AGO2: variants seen among roughly 807,000 people sequenced by gnomAD.
The protein encoded by AGO2 is protein argonaute-2.
Under a neutral mutation model 102.3 loss-of-function variants are expected in AGO2, and 5 were observed. The observed-to-expected ratio is 0.05, with a 90% CI of 0.03 to 0.10. AGO2 has a LOEUF of 0.10. AGO2 is among the 10% of genes least tolerant of loss of function. AGO2 has a pLI of 1.00. For missense variants in AGO2, 541 were observed against 1,183.7 expected (o/e 0.46, Z 7.97); for synonymous variants, 449 against 473.1 (o/e 0.95, Z 0.66).
chr8:140,632,415 G>A (rs766157248), intron 1 of AGO2, among the ~76,000 whole-genome samples: 1 of 152,236 alleles, frequency 6.6e-6, no homozygotes, highest in African/African-American at 2.4e-5. Context: ...AGGGGGAGAG[G>A]GGGCAGGAGG....
Position 140,522,437 on chromosome 8 carries a change from C to T in AGO2, c.*9607G>A, listed in dbSNP as rs1489003279. The T allele has an allele frequency of 6.6e-6, 1 of 151,132 alleles. No individual in the cohort carries two copies. The highest frequency in any genetic ancestry group is 6.6e-5 in the Admixed American group (1 of 15,106). The allele number at this position is 151,132 out of a possible 1,614,324, so 9.4% of individuals were successfully genotyped here. A position where few individuals can be genotyped will look rare whatever the true frequency, so the allele number is the denominator to read the frequency against. On this transcript the variant is annotated 3_prime_UTR_variant, in exon 19 of 19. Transcript: ENST00000220592. ...CAGAAGCGATGACAGGTGGTACTAC[C>T]TGAAGAAAGCTTAGAACATGAGCAG...
chr8:140,558,793 T>A (rs2073144910), intron 6 of AGO2, among the ~76,000 whole-genome samples: 1 of 152,164 alleles, frequency 6.6e-6, no homozygotes, highest in Non-Finnish European at 1.5e-5. Context: ...AGGCTCAGCT[T>A]AGAGCATGGG....
At position 140,527,036 on chromosome 8, in the gene AGO2, G is replaced by C. The variant is rs776795137; in HGVS notation, c.*5008C>G. The C allele has an allele frequency of 1.3e-5, 2 of 152,172 alleles. No homozygotes were observed. Among genetic ancestry groups the C allele is most frequent in the African/African-American group, 4.8e-5 (2 of 41,494 alleles). 9.4% of individuals were successfully genotyped at this position (152,172 alleles called of 1,614,324 possible). A position where few individuals can be genotyped will look rare whatever the true frequency, so the allele number is the denominator to read the frequency against. ...GTAGCAGGCGGAGCAGATGCCTCCC[G>C]TCTGGACTGTCCCAGGCTGGGTGGA... is the stretch of plus-strand genomic sequence containing the variant. On this transcript the variant is annotated 3_prime_UTR_variant, in exon 19 of 19. Coordinates refer to ENST00000220592, the MANE Select transcript of AGO2 (RefSeq NM_012154.5). This position sits in a 1 kb window ranked among gnomAD's most constrained non-coding sequence, Gnocchi z 6.0.
intron 2 of AGO2, among the ~76,000 whole-genome samples, chr8:140,583,125 C>G (rs2073583075): frequency 6.6e-6 from 1 of 152,230 alleles, no homozygotes; most frequent in Non-Finnish European, 1.5e-5. Context: ...GGCTGGGGCA[C>G]TGTCTTCCTC....
At chr8:140,544,482 A>C (rs1245398494) in intron 13 of AGO2, among the ~76,000 whole-genome samples, 179 bp from the exon 14 acceptor site, 1 of 152,218 alleles carries the variant, frequency 6.6e-6, no homozygotes, top group Non-Finnish European at 1.5e-5. Flanking sequence ...CAAGGTCTGA[A>C]ATCTGCTTCA....
chr8:140,532,300 T>G, intron 18 of AGO2, 116 bp downstream of exon 18: 1 of 1,420,036 alleles, frequency 7.0e-7, no homozygotes, highest in Non-Finnish European at 9.6e-7. Flanking sequence ...ACAGGCCTTC[T>G]GGGGTGCCGG....
chr8:140,617,124 A>G (rs2152104811), intron 1 of AGO2, among the ~76,000 whole-genome samples: 1 of 152,294 alleles, frequency 6.6e-6, no homozygotes, highest in South Asian at 2.1e-4. Flanking sequence ...AAGCACTCTG[A>G]AAAAGAGGGT....
At chr8:140,583,110 C>G (rs1432210167) in intron 2 of AGO2, among the ~76,000 whole-genome samples, 2 of 152,198 alleles carry the variant, frequency 1.3e-5, no homozygotes. Flanking sequence ...TTCTCTCCCT[C>G]CTGGGGCTGG....
In AGO2 at chr8:140,525,541, C is replaced by T. The variant is rs2072490286; in HGVS notation, c.*6503G>A. 1 of 152,298 alleles carries T rather than the reference C, an allele frequency of 6.6e-6. No homozygotes were observed. Among genetic ancestry groups the T allele is most frequent in the Non-Finnish European group, 1.5e-5 (1 of 68,118 alleles). The allele number at this position is 152,298 out of a possible 1,614,324, so 9.4% of individuals were successfully genotyped here. Reference sequence around the variant, plus strand: ...ACACTTAGCTCTTCCGGAATGAAAGCACGCAACGCAGCATAAAAAGCATCG... The same window carrying T: ...ACACTTAGCTCTTCCGGAATGAAAGTACGCAACGCAGCATAAAAAGCATCG... On this transcript the variant is annotated 3_prime_UTR_variant, in exon 19 of 19. Transcript: ENST00000220592.
At chr8:140,593,979 C>T (rs1041532444) in intron 1 of AGO2, among the ~76,000 whole-genome samples, 1 of 152,226 alleles carries the variant, frequency 6.6e-6, no homozygotes, top group African/African-American at 2.4e-5. Context: ...GTTCCATCTG[C>T]GAGCACAGGA....
At chr8:140,541,442 G>T in intron 14 of AGO2, 84 bp from the exon 15 acceptor site, 9 of 1,318,028 alleles carry the variant, frequency 6.8e-6, no homozygotes, top group Non-Finnish European at 9.1e-6. Context: ...GGGAAGATGG[G>T]GACGAGAAGT....
rs767174354 is a variant in AGO2 at position 140,583,329 on chromosome 8, A to C, written c.215+1790T>G. Among the ~76,000 whole-genome samples, 148 of 152,206 alleles carry C rather than the reference A, an allele frequency of 9.7e-4. 3 individuals are homozygous for C. Among genetic ancestry groups the C allele is most frequent in the Non-Finnish European group, 1.9e-4 (13 of 68,042 alleles). Reference sequence around the variant, plus strand: ...GTGGGACATCTTAGCCTCTACAATCATGTGAGCCAATTCCCCTAATAAATC... The same window carrying C: ...GTGGGACATCTTAGCCTCTACAATCCTGTGAGCCAATTCCCCTAATAAATC... On this transcript the variant is annotated intron_variant, in intron 2 of 18. Coordinates refer to ENST00000220592, the MANE Select transcript of AGO2 (RefSeq NM_012154.5).
At chr8:140,576,933 C>A (rs561864093) in intron 2 of AGO2, among the ~76,000 whole-genome samples, 5 of 152,110 alleles carry the variant, frequency 3.3e-5, no homozygotes, top group African/African-American at 1.2e-4. Context: ...GCGGGCCAGG[C>A]GCGATGGCTC....
rs1041016190 is a variant in AGO2 at position 140,520,951 on chromosome 8, G to T, written c.*11093C>A. The T allele has an allele frequency of 6.6e-6, 1 of 151,940 alleles. No homozygotes were observed. The highest frequency in any genetic ancestry group is 2.4e-5 in the African/African-American group (1 of 41,332). 9.4% of individuals were successfully genotyped at this position (151,940 alleles called of 1,614,324 possible). On this transcript the variant is annotated 3_prime_UTR_variant, in exon 19 of 19. Coordinates refer to ENST00000220592, the MANE Select transcript of AGO2 (RefSeq NM_012154.5). ...TTTTTTTAAATTTTTATTTTTTAAG[G>T]ATACTATATCCCTACAAGAGTAATT...
intron 1 of AGO2, among the ~76,000 whole-genome samples, chr8:140,597,480 C>CCCCCCCCCCCCCCCCA (rs2073864620): frequency 3.0e-5 from 4 of 132,126 alleles, no homozygotes; most frequent in African/African-American, 8.2e-5. Context: ...CCCCACCCCC[C>CCCCCCCCCCCCCCCCA]CCCCCCCGCC....
At chr8:140,588,300 G>C (rs572988239) in intron 1 of AGO2, among the ~76,000 whole-genome samples, 1 of 152,276 alleles carries the variant, frequency 6.6e-6, no homozygotes, top group Admixed American at 6.5e-5. Flanking sequence ...GCGCACCTCA[G>C]TCACACTGCA....
chr8:140,523,979 C>T lies in AGO2; in HGVS notation c.*8065G>A, dbSNP rs1490045905. 6.6e-6 allele frequency: 1 copy of T among 152,186 alleles called. No homozygotes were observed. The highest frequency in any genetic ancestry group is 1.5e-5 in the Non-Finnish European group (1 of 68,034). 9.4% of individuals were successfully genotyped at this position (152,186 alleles called of 1,614,324 possible). A position where few individuals can be genotyped will look rare whatever the true frequency, so the allele number is the denominator to read the frequency against. Reference sequence around the variant, plus strand: ...GACAGGGACAGGTGGTTTCTCAGGCCATTGGCCAAGAAACTGCTCAATACC... The same window carrying T: ...GACAGGGACAGGTGGTTTCTCAGGCTATTGGCCAAGAAACTGCTCAATACC... On this transcript the variant is annotated 3_prime_UTR_variant, in exon 19 of 19. Coordinates refer to ENST00000220592, the MANE Select transcript of AGO2 (RefSeq NM_012154.5).
At chr8:140,634,869 C>T (rs1346795051) in intron 1 of AGO2, among the ~76,000 whole-genome samples, 1 of 152,158 alleles carries the variant, frequency 6.6e-6, no homozygotes, top group Non-Finnish European at 1.5e-5. Context: ...CCAGACTTTC[C>T]TTGGGAAAAG....
At position 140,530,351 on chromosome 8, in the gene AGO2, C is replaced by A. The variant is rs995597580; in HGVS notation, c.*1693G>T. 1 of 152,234 alleles carries A rather than the reference C, an allele frequency of 6.6e-6. No individual in the cohort carries two copies. The highest frequency in any genetic ancestry group is 2.1e-4 in the South Asian group (1 of 4,826). The allele number at this position is 152,234 out of a possible 1,614,324, so 9.4% of individuals were successfully genotyped here. A position where few individuals can be genotyped will look rare whatever the true frequency, so the allele number is the denominator to read the frequency against. On this transcript the variant is annotated 3_prime_UTR_variant, in exon 19 of 19. Coordinates refer to ENST00000220592, the MANE Select transcript of AGO2 (RefSeq NM_012154.5). Reference sequence around the variant, plus strand: ...TGAGCAGGAGGCAGCTCCTTTGGCACCCCACCCCACCACAGTGCCGAGGTA... The same window carrying A: ...TGAGCAGGAGGCAGCTCCTTTGGCAACCCACCCCACCACAGTGCCGAGGTA...
Sources: allele counts gnomAD v4.1 joint callset (sites outside exome capture counted in the v4.1 genomes callset), GRCh38; gene constraint gnomAD v4.1.1; non-coding constraint Gnocchi (gnomAD v3.1); transcripts MANE v1.5; gene names NCBI Gene and HGNC (gene_info 2026-07-23, HGNC 2026-07-21).